Variants in ABCA4 observed in about 807,000 individuals in gnomAD.
ABCA4 encodes ATP binding cassette subfamily A member 4, also known as retinal-specific phospholipid-transporting ATPase ABCA4.
A neutral mutation model predicts 263.7 loss-of-function variants in ABCA4; 196 were observed. That is an observed-to-expected ratio of 0.74 (90% CI 0.66 to 0.84). ABCA4 has a LOEUF of 0.84. ABCA4 is among the 40% of genes least tolerant of loss of function. The pLI is 0.00. For synonymous variants in ABCA4, 1,133 were observed against 1,094.2 expected (o/e 1.04, Z -0.70); for missense variants, 2,792 against 2,855.1 (o/e 0.98, Z 0.50).
At chr1:94,103,181 G>A (rs1187658383) in intron 4 of ABCA4, 39 bp from the exon 5 acceptor site, 1 of 1,611,514 alleles carries the variant, frequency 6.2e-7, no homozygotes. Flanking sequence ...TGTTGAAGGG[G>A]AAATGGGTCA....
intron 4 of ABCA4, among the ~76,000 whole-genome samples, chr1:94,103,783 T>C (rs868734933): frequency 6.6e-6 from 1 of 152,000 alleles, no homozygotes; most frequent in Non-Finnish European, 1.5e-5. Flanking sequence ...GAGAAATGAG[T>C]TGGGGCCATT....
At position 94,031,117 on chromosome 1, in the gene ABCA4, C is replaced by G; in HGVS notation, c.4132G>C (p.Val1378Leu). The G allele has an allele frequency of 6.2e-7, 1 of 1,614,030 alleles. No individual in the cohort carries two copies. The highest frequency in any genetic ancestry group is 8.5e-7 in the Non-Finnish European group (1 of 1,179,976). The change falls in exon 28 of 50, where the codon GTG becomes CTG. Residue 1378 changes from valine to leucine, a missense_variant. Val to Leu is a conservative substitution (Grantham distance 32, BLOSUM62 1). Coordinates refer to ENST00000370225, the MANE Select transcript of ABCA4 (RefSeq NM_000350.3). Reference protein sequence around the residue: ...RSHKDFLAQIVLPATFVFLAL... With the variant: ...RSHKDFLAQILLPATFVFLAL... ...AAAAACACAAAGGTAGCCGGGAGCA[C>G]GATCTGTGGGAGAATAGACGTGGAA...
intron 41 of ABCA4, 150 bp downstream of exon 41, chr1:94,008,601 C>A: frequency 1.8e-6 from 2 of 1,126,254 alleles, no homozygotes; most frequent in South Asian, 1.2e-5. Context: ...TCTTGGAAGA[C>A]GAGTTATAAC....
chr1:94,120,912 C>CCCCCCCCCCCCCCT, intron 1 of ABCA4, 68 bp downstream of exon 1: 1 of 1,203,238 alleles, frequency 8.3e-7, no homozygotes, highest in Non-Finnish European at 1.2e-6. Flanking sequence ...CCCACCACCC[C>CCCCCCCCCCCCCCT]ACCCCACACT....
chr1:94,010,984 C>G (rs1021259208), intron 39 of ABCA4, 55 bp from the exon 40 acceptor site: 31 of 1,613,540 alleles, frequency 1.9e-5, no homozygotes, highest in Non-Finnish European at 2.5e-5. Flanking sequence ...ACCCCACAGA[C>G]CTGGCCACAG....
At chr1:94,120,162 A>G (rs1662910414) in intron 1 of ABCA4, among the ~76,000 whole-genome samples, 1 of 152,196 alleles carries the variant, frequency 6.6e-6, no homozygotes, top group African/African-American at 2.4e-5. Flanking sequence ...GTGTTCTCTG[A>G]TCTCCGGCAC....
intron 26 of ABCA4, among the ~76,000 whole-genome samples, chr1:94,033,438 G>GAA (rs1192169000): frequency 1.7e-5 from 2 of 119,880 alleles, no homozygotes; most frequent in African/African-American, 6.0e-5. Flanking sequence ...AAAAAAAAAA[G>GAA]AAAAAAAAAA....
chr1:93,993,259 C>T lies in ABCA4; in HGVS notation c.6817-17G>A, dbSNP rs749454214. On this transcript the variant is annotated splice_polypyrimidine_tract_variant and intron_variant, in intron 49 of 49. Transcript: ENST00000370225. ...AGATCAGTCCTGTGGAAGGAGATCA[C>T]ATGGACTCGCGTCATCTTGGTTTTC... is the stretch of plus-strand genomic sequence containing the variant. 1.9e-6 allele frequency: 3 copies of T among 1,613,868 alleles called. No homozygotes were observed. The Admixed American group carries it at 5.0e-5, about 27-fold the overall frequency.
Position 94,014,556 on chromosome 1 carries a change from A to C in ABCA4, c.5447T>G (p.Phe1816Cys). Residue 1816 changes from phenylalanine (F) to cysteine (C), a missense_variant, in exon 38 of 50, where the codon TTT becomes TGT. Phe to Cys is a radical substitution (Grantham distance 205). Transcript: ENST00000370225. The stretch of plus-strand genomic sequence containing the variant: ...AGTTATGCTCACCCGGTTATTCTCA[A>C]ATAATTCCAAGATGAAGGTAATAGC... ...SSAITFILEL[F>C]ENNRTLLRFN... 1 of 1,614,250 alleles carries C rather than the reference A, an allele frequency of 6.2e-7. No homozygotes were observed. The highest frequency in any genetic ancestry group is 1.1e-5 in the South Asian group (1 of 91,080).
chr1:94,055,102 G>T lies in ABCA4; in HGVS notation c.2587+9C>A. 1.2e-6 allele frequency: 2 copies of T among 1,613,360 alleles called. No homozygotes were observed. Among genetic ancestry groups the T allele is most frequent in the Admixed American group, 1.7e-5 (1 of 60,020 alleles). On this transcript the variant is annotated intron_variant, in intron 16 of 49. Coordinates refer to ENST00000370225, the MANE Select transcript of ABCA4 (RefSeq NM_000350.3). ...CAATTACCTTTACCCTATAGAGGAGGATGCTTACCTGGAAACACCTGATCA... is the reference window on the plus strand; with the variant it reads ...CAATTACCTTTACCCTATAGAGGAGTATGCTTACCTGGAAACACCTGATCA...
chr1:94,101,003 C>T (rs1237909161), intron 5 of ABCA4, among the ~76,000 whole-genome samples: 1 of 152,222 alleles, frequency 6.6e-6, no homozygotes, highest in African/African-American at 2.4e-5. Flanking sequence ...TGGAACGTGC[C>T]TCTGCGAAGC....
rs1218793647 is a variant in ABCA4, at chr1:94,113,209, T to A, written c.67-143A>T. 6 of 767,910 alleles carry A rather than the reference T, an allele frequency of 7.8e-6. No individual in the cohort carries two copies. In the East Asian group the frequency reaches 1.6e-4, roughly 21 times the overall value. 47.6% of individuals were successfully genotyped at this position (767,910 alleles called of 1,614,324 possible). On this transcript the variant is annotated intron_variant, in intron 1 of 49. Coordinates refer to ENST00000370225, the MANE Select transcript of ABCA4 (RefSeq NM_000350.3). ...GGTATCTTTACCTAAACAGTTTCCTTCCTTTACCCCCTCCCCACCATACAC... is the reference window on the plus strand; with the variant it reads ...GGTATCTTTACCTAAACAGTTTCCTACCTTTACCCCCTCCCCACCATACAC...
chr1:94,036,095 C>A (rs1346225840), intron 26 of ABCA4, among the ~76,000 whole-genome samples: 2 of 151,978 alleles, frequency 1.3e-5, no homozygotes, highest in Non-Finnish European at 2.9e-5. Flanking sequence ...CTCATGCAGA[C>A]AGAGATGGAT....
intron 11 of ABCA4, among the ~76,000 whole-genome samples, chr1:94,065,509 G>A (rs530847151): frequency 3.9e-5 from 6 of 152,276 alleles, no homozygotes; most frequent in Admixed American, 3.3e-4. Context: ...TCCCACCTGC[G>A]CCTCAGAGTA....
At chr1:94,022,200 C>T in intron 32 of ABCA4, among the ~76,000 whole-genome samples, 1 of 152,344 alleles carries the variant, frequency 6.6e-6, no homozygotes, top group South Asian at 2.1e-4. Flanking sequence ...CCAACTTCAT[C>T]CTTCCTCAGC....
chr1:94,078,768 TG>T, intron 9 of ABCA4, 62 bp from the exon 10 acceptor site: 1 of 1,205,700 alleles, frequency 8.3e-7, no homozygotes, highest in Non-Finnish European at 1.2e-6. Flanking sequence ...AGAGAACTTT[TG>T]GTTGTGTCTT....
In ABCA4 at chr1:93,996,202, G is replaced by A. The variant is rs1405122437; in HGVS notation, c.6730-7C>T. ...TAGCAAAATTTACAAACACCTAGAG[G>A]TAAGAGAAGAGCGAGATTAGGTAGA... On this transcript the variant is annotated splice_polypyrimidine_tract_variant and splice_region_variant and intron_variant, in intron 48 of 49. Coordinates refer to ENST00000370225, the MANE Select transcript of ABCA4 (RefSeq NM_000350.3). 3 of 1,605,742 alleles carry A rather than the reference G, an allele frequency of 1.9e-6. No individual in the cohort carries two copies. The highest frequency in any genetic ancestry group is 1.7e-6 in the Non-Finnish European group (2 of 1,173,288).
At position 94,021,873 on chromosome 1, in the gene ABCA4, G is replaced by T; in HGVS notation, c.4746C>A (p.Asp1582Glu). ...TGEALVGFLS[D>E]LGRIMNVSGG... ...CGCTCACATTCATGATCCGGCCAAG[G>T]TCGCTTAAAAACCCAACAAGTGCTT... Residue 1582 changes from aspartate to glutamate, a missense_variant, in exon 33 of 50, where the codon GAC (aspartate) becomes GAA (glutamate). Physicochemically the swap from Asp to Glu is conservative, Grantham distance 45. Coordinates refer to ENST00000370225, the MANE Select transcript of ABCA4 (RefSeq NM_000350.3). 1 of 1,614,138 alleles carries T rather than the reference G, an allele frequency of 6.2e-7. No individual in the cohort carries two copies. Among genetic ancestry groups the T allele is most frequent in the Non-Finnish European group, 8.5e-7 (1 of 1,180,032 alleles).
chr1:94,048,712 A>G (rs995708411), intron 18 of ABCA4, among the ~76,000 whole-genome samples, 156 bp downstream of exon 18: 5 of 152,142 alleles, frequency 3.3e-5, no homozygotes, highest in African/African-American at 7.2e-5. Context: ...ATGCAGATGG[A>G]CCTCTGAGAA....
Sources: allele counts gnomAD v4.1 joint callset (sites outside exome capture counted in the v4.1 genomes callset), GRCh38; gene constraint gnomAD v4.1.1; transcripts MANE v1.5; gene names NCBI Gene and HGNC (gene_info 2026-07-23, HGNC 2026-07-21).